The following ATP13A4 variants were observed in gnomAD, a reference collection of about 807,000 sequenced individuals.
The protein encoded by ATP13A4 is probable cation-transporting ATPase 13A4.
ATP13A4 carries 114 observed loss-of-function variants against 142.5 expected under a neutral mutation model. The ratio of observed to expected loss-of-function variants is 0.80; its 90% CI spans 0.69 to 0.93. The LOEUF (loss-of-function observed/expected upper bound fraction) is 0.93. ATP13A4 is among the 40% of genes least tolerant of loss of function. ATP13A4 has a pLI of 0.00. For missense variants in ATP13A4, 1,392 were observed against 1,454.0 expected, an observed-to-expected ratio of 0.96 and a Z score of 0.69; for synonymous variants, 488 against 514.8, an observed-to-expected ratio of 0.95 and a Z score of 0.70.
At chr3:193,458,989 C>T in intron 14 of ATP13A4, 92 bp downstream of exon 14, 1 of 1,564,806 alleles carries the variant, frequency 6.4e-7, no homozygotes, top group Non-Finnish European at 8.8e-7. Context: ...TTGGAAACCT[C>T]ACCTTTTATA....
At chr3:193,485,293 TAGAGCAGCAGTTACACGTACA>T (rs1719539501) in intron 7 of ATP13A4, among the ~76,000 whole-genome samples, 1 of 150,434 alleles carries the variant, frequency 6.6e-6, no homozygotes, top group Non-Finnish European at 1.5e-5. Flanking sequence ...CACGTACAGG[TAGAGCAGCAGTTACACGTACA>T]GGTGGAGCAG....
At chr3:193,463,156 C>T (rs554641737) in intron 12 of ATP13A4, among the ~76,000 whole-genome samples, 1 of 152,162 alleles carries the variant, frequency 6.6e-6, no homozygotes, top group Non-Finnish European at 1.5e-5. Flanking sequence ...TGAGCTCATG[C>T]CAGTTGTCTA....
chr3:193,450,827 T>C (rs1022383219), intron 17 of ATP13A4, among the ~76,000 whole-genome samples: 2 of 152,088 alleles, frequency 1.3e-5, no homozygotes, highest in Non-Finnish European at 2.9e-5. Flanking sequence ...TGCCAGGCCA[T>C]AAAGGGAGCT....
In ATP13A4 at chr3:193,399,976, T is replaced by C. The variant is rs1416242992; in HGVS notation, c.*2676A>G. 2.6e-5 allele frequency among the ~76,000 whole-genome samples: 4 copies of C among 152,042 alleles called. No individual in the cohort carries two copies. The highest frequency in any genetic ancestry group is 6.5e-5 in the Admixed American group (1 of 15,274). On this transcript the variant is annotated 3_prime_UTR_variant, in exon 30 of 30. Transcript: ENST00000342695. ...CTTGACTTCCTTCTCTACTTGGCCCTTGAATAGCCACTTGTTCCTCCAATG... is the reference window on the plus strand; with the variant it reads ...CTTGACTTCCTTCTCTACTTGGCCCCTGAATAGCCACTTGTTCCTCCAATG...
intron 2 of ATP13A4, among the ~76,000 whole-genome samples, chr3:193,580,603 G>T (rs572788121): frequency 5.9e-5 from 9 of 152,102 alleles, no homozygotes; most frequent in Admixed American, 2.0e-4. Context: ...TTTTTTTATT[G>T]TACAGGCCAA....
intron 8 of ATP13A4, among the ~76,000 whole-genome samples, chr3:193,473,195 T>C (rs1718720877): frequency 6.6e-6 from 1 of 152,230 alleles, no homozygotes; most frequent in Non-Finnish European, 1.5e-5. Context: ...GTTGGGGACA[T>C]ATTACAAAAA....
In ATP13A4 at chr3:193,509,464, T is replaced by G. The variant is rs533275863; in HGVS notation, c.234+5234A>C. On this transcript the variant is annotated intron_variant, in intron 2 of 29. Transcript: ENST00000342695. ...CTCAAATGTATAAAAAAGAGAGAGATATAAGGAAGGAAAGCCTGGCTTTGA... is the reference window on the plus strand; with the variant it reads ...CTCAAATGTATAAAAAAGAGAGAGAGATAAGGAAGGAAAGCCTGGCTTTGA... Among the ~76,000 whole-genome samples, 10 of 152,280 alleles carry G rather than the reference T, an allele frequency of 6.6e-5. No homozygotes were observed. The South Asian group carries it at 1.7e-3, about 25-fold the overall frequency.
chr3:193,554,995 G>T, upstream of ATP13A4: 1 of 1,406,026 alleles, frequency 7.1e-7, no homozygotes, highest in South Asian at 1.3e-5. Context: ...CCCACGAGTC[G>T]CCCTCTGCTA....
chr3:193,573,268 T>TAG (rs1724310878), intron 2 of ATP13A4, among the ~76,000 whole-genome samples: 1 of 98,560 alleles, frequency 1.0e-5, no homozygotes, highest in Non-Finnish European at 2.0e-5. Flanking sequence ...GCCATATATA[T>TAG]ATATATACAT....
chr3:193,448,478 G>A, intron 17 of ATP13A4, 148 bp from the exon 18 acceptor site: 1 of 990,834 alleles, frequency 1.0e-6, no homozygotes, highest in Non-Finnish European at 1.5e-6. Flanking sequence ...TGGGATTATA[G>A]GTGCCCACCA....
At chr3:193,488,064 C>T (rs1409762927) in intron 7 of ATP13A4, among the ~76,000 whole-genome samples, 2 of 152,080 alleles carry the variant, frequency 1.3e-5, no homozygotes, top group Non-Finnish European at 2.9e-5. Context: ...AGGAGATCAA[C>T]ACCATCCAGA....
chr3:193,463,124 G>A (rs1292082833), intron 12 of ATP13A4, among the ~76,000 whole-genome samples: 1 of 152,132 alleles, frequency 6.6e-6, no homozygotes, highest in African/African-American at 2.4e-5. Context: ...TGGGTCTCTG[G>A]AGTGCCCGTT....
At chr3:193,572,227 G>A (rs141456894) in intron 2 of ATP13A4, among the ~76,000 whole-genome samples, 1 of 152,096 alleles carries the variant, frequency 6.6e-6, no homozygotes, top group Non-Finnish European at 1.5e-5. Flanking sequence ...CAATCTGGGG[G>A]ACACAATAAG....
intron 8 of ATP13A4, among the ~76,000 whole-genome samples, chr3:193,474,728 AAGAGAAAG>A (rs1392385352): frequency 8.3e-6 from 1 of 121,050 alleles, no homozygotes. Context: ...GAGAGAAAGA[AAGAGAAAG>A]AAAGAAAGAA....
intron 1 of ATP13A4, among the ~76,000 whole-genome samples, chr3:193,591,876 T>G (rs1027369429): frequency 3.3e-5 from 5 of 152,170 alleles, no homozygotes; most frequent in African/African-American, 1.2e-4. Context: ...ACAAAGACAC[T>G]TTTTGTACAA....
intron 1 of ATP13A4, among the ~76,000 whole-genome samples, chr3:193,544,897 T>C (rs1221936729): frequency 6.6e-6 from 1 of 152,208 alleles, no homozygotes; most frequent in Non-Finnish European, 1.5e-5. Context: ...AATTTCTGTT[T>C]TTTTTGCTTC....
chr3:193,558,437 A>C (rs1723949700), upstream of ATP13A4, among the ~76,000 whole-genome samples: 1 of 152,214 alleles, frequency 6.6e-6, no homozygotes, highest in Non-Finnish European at 1.5e-5. Context: ...TTCACTTAGC[A>C]CTAGTTTGAT....
At chr3:193,456,921 T>A in intron 16 of ATP13A4, 79 bp downstream of exon 16, 1 of 1,522,810 alleles carries the variant, frequency 6.6e-7, no homozygotes, top group Non-Finnish European at 8.9e-7. Flanking sequence ...GGCGATTGAA[T>A]TAATAGATCA....
chr3:193,551,045 C>T (rs574367552), intron 1 of ATP13A4, among the ~76,000 whole-genome samples: 19 of 152,300 alleles, frequency 1.2e-4, no homozygotes, highest in African/African-American at 3.8e-4. Context: ...GTTTTCCCAA[C>T]GTATGCACAA....
Sources: gnomAD v4.1 joint callset for allele counts (sites outside exome capture counted in the v4.1 genomes callset) on GRCh38, gnomAD v4.1.1 for gene constraint, MANE v1.5 for transcripts, NCBI Gene and HGNC (gene_info 2026-07-23, HGNC 2026-07-21) for gene names.